Variants in KMT2D observed in about 807,000 individuals in gnomAD.
KMT2D encodes lysine methyltransferase 2D.
In KMT2D, 55 loss-of-function variants were observed where a neutral mutation model predicts 512.7. The ratio of observed to expected loss-of-function variants is 0.11; its 90% CI spans 0.09 to 0.13. The LOEUF (loss-of-function observed/expected upper bound fraction) is 0.13, where lower values mean the gene tolerates loss of function less well. Ranked by LOEUF, KMT2D falls within the 10% of genes least tolerant of loss-of-function variation. KMT2D has a pLI of 1.00. For synonymous variants in KMT2D, 2,995 were observed against 2,904.0 expected (o/e 1.03, Z -1.01); for missense variants, 6,061 against 7,127.9 (o/e 0.85, Z 5.39).
Position 49,021,882 on chromosome 12 carries a change from G to T in KMT2D, c.16522-10C>A, listed in dbSNP as rs991926378. ...GATAGTCATAGGTTAGCTGAAAAGA[G>T]AAGAGGGCAGAATCAATGCTAGTCC... On this transcript the variant is annotated splice_polypyrimidine_tract_variant and intron_variant, in intron 54 of 54. Coordinates refer to ENST00000301067, the MANE Select transcript of KMT2D (RefSeq NM_003482.4). The T allele has an allele frequency of 3.1e-6, 5 of 1,610,906 alleles. No individual in the cohort carries two copies. In the East Asian group the frequency reaches 8.9e-5, roughly 29 times the overall value.
rs2120405525 is a variant in KMT2D at position 49,030,600 on chromosome 12, C to A, written c.13839+1G>T. 1 of 1,558,012 alleles carries A rather than the reference C, an allele frequency of 6.4e-7. No homozygotes were observed. Among genetic ancestry groups the A allele is most frequent in the South Asian group, 1.2e-5 (1 of 84,134 alleles). On this transcript the variant is annotated splice_donor_variant, in intron 42 of 54. Transcript: ENST00000301067. LOFTEE classifies it high-confidence loss of function. ...CCAAAAAATATTGCCATTTTTCTGA[C>A]CTTGGTAAGCAGCTGGGAATAGTAG...
chr12:49,030,530 A>G lies in KMT2D; in HGVS notation c.13839+71T>C, dbSNP rs1942847191. 3 of 1,489,254 alleles carry G rather than the reference A, an allele frequency of 2.0e-6. No individual in the cohort carries two copies. In the South Asian group the frequency reaches 4.0e-5, roughly 20 times the overall value. The allele number at this position is 1,489,254 out of a possible 1,614,324, so 92.3% of individuals were successfully genotyped here. A position where few individuals can be genotyped will look rare whatever the true frequency, so the allele number is the denominator to read the frequency against. On this transcript the variant is annotated intron_variant, in intron 42 of 54. Transcript: ENST00000301067. ...CCCACTCTACGTCAGCAATTCCCTC[A>G]AGTTTTCTATTCCCACCCTCACCTT...
At position 49,030,681 on chromosome 12, in the gene KMT2D, C is replaced by A; in HGVS notation, c.13759G>T (p.Gly4587Trp). Residue 4587 changes from glycine to tryptophan, a missense_variant, in exon 42 of 55, where the codon GGG (glycine) becomes TGG (tryptophan). Around this residue, in one of 16 missense-constraint regions of KMT2D, gnomAD observed 1,600 missense variants for 1,754.9 expected, o/e 0.91. Coordinates refer to ENST00000301067, the MANE Select transcript of KMT2D (RefSeq NM_003482.4). ...AAGGCCCCCCTCAGCTGGCTCTGCCCATTGACTGGGCAGCCACTGCCAAAG... is the reference window on the plus strand; with the variant it reads ...AAGGCCCCCCTCAGCTGGCTCTGCCAATTGACTGGGCAGCCACTGCCAAAG... ...APFGSGCPVN[G>W]QSQLRGAFGS... The A allele has an allele frequency of 6.2e-7, 1 of 1,613,416 alleles. No homozygotes were observed. Among genetic ancestry groups the A allele is most frequent in the Non-Finnish European group, 8.5e-7 (1 of 1,179,830 alleles).
In KMT2D at chr12:49,051,561, AAGC is replaced by A; in HGVS notation, c.2119_2121del (p.Ala707del). The A allele has an allele frequency of 1.2e-6, 2 of 1,609,382 alleles. No individual in the cohort carries two copies. Among genetic ancestry groups the A allele is most frequent in the Non-Finnish European group, 1.7e-6 (2 of 1,176,978 alleles). On this transcript the variant is annotated inframe_deletion, in exon 11 of 55. Transcript: ENST00000301067. Reference sequence around the variant, plus strand: ...ATGAGCGAGTCCTCCGGTGGTGGGGAAGCAGGTGAGTCCTCAGGTGGTGGGGAT... The same window carrying A: ...ATGAGCGAGTCCTCCGGTGGTGGGGAAGGTGAGTCCTCAGGTGGTGGGGAT...
In KMT2D at chr12:49,046,692, A is replaced by G. The variant is rs542182326; in HGVS notation, c.4335T>C (p.Cys1445=). Residue 1445 remains cysteine (C), a synonymous_variant, in exon 16 of 55, where the codon TGT becomes TGC. Coordinates refer to ENST00000301067, the MANE Select transcript of KMT2D (RefSeq NM_003482.4). The surrounding 1 kb of genome is among the most constrained non-coding windows in gnomAD (Gnocchi z 4.2). ...TGTGGTAGCTAATATCACAGTCATC[A>G]CAGAGCAGCAGGCGTGAGGGGTCGG... ...QASDPSRLLL[C]DDCDISYHTY... The G allele has an allele frequency of 1.9e-6, 3 of 1,613,940 alleles. 1 individual carries two copies. The highest frequency in any genetic ancestry group is 2.5e-6 in the Non-Finnish European group (3 of 1,179,868).
rs1435084589 is a variant in KMT2D at position 49,037,796 on chromosome 12, G to A, written c.9560C>T (p.Ala3187Val). The change falls in exon 35 of 55, where the codon GCC becomes GTC. Residue 3187 changes from alanine (A) to valine (V), a missense_variant. This residue lies in a region of KMT2D where 533 missense variants were observed against 539.6 expected (regional missense o/e 0.99). Coordinates refer to ENST00000301067, the MANE Select transcript of KMT2D (RefSeq NM_003482.4). The part of the protein sequence containing the change: ...GHTAEKASFG[A>V]TGGPPAHLLT... ...CAGGTGAGCTGGTGGTCCTCCCGTG[G>A]CCCCAAAGGAGGCCTTCTCAGCTGT... 8 of 1,596,806 alleles carry A rather than the reference G, an allele frequency of 5.0e-6. No individual in the cohort carries two copies. The highest frequency in any genetic ancestry group is 4.3e-6 in the Non-Finnish European group (5 of 1,171,574).
chr12:49,049,332 G>A (rs1937773883), intron 12 of KMT2D, 114 bp from the exon 13 acceptor site: 1 of 691,904 alleles, frequency 1.4e-6, no homozygotes, highest in African/African-American at 1.8e-5. Context: ...AATAAGCCCA[G>A]GAGTCCCACT....
chr12:49,033,597 T>C lies in KMT2D; in HGVS notation c.11108A>G (p.Asn3703Ser), dbSNP rs1164769453. ...AGPSGGFFPG[N>S]LALRSLGPDS... ...AGGTCCGAGGCTTCGAAGAGCAAGG[T>C]TGCCAGGGAAGAAGCCCCCTGAAGG... is the stretch of plus-strand genomic sequence containing the variant. Residue 3703 changes from asparagine (N) to serine (S), a missense_variant, in exon 40 of 55, where the codon AAC (asparagine) becomes AGC (serine). Asn to Ser is a conservative substitution (Grantham distance 46). This residue lies in a region of KMT2D where 1,600 missense variants were observed against 1,754.9 expected (regional missense o/e 0.91). Coordinates refer to ENST00000301067, the MANE Select transcript of KMT2D (RefSeq NM_003482.4). 6.2e-7 allele frequency: 1 copy of C among 1,613,326 alleles called. No individual in the cohort carries two copies. The highest frequency in any genetic ancestry group is 8.5e-7 in the Non-Finnish European group (1 of 1,179,816).
chr12:49,044,672 C>T lies in KMT2D; in HGVS notation c.4963+72G>A. Reference sequence around the variant, plus strand: ...AAGGGTAACTGAGTGGCAATGTAGCCCCCACCCAACATCCCACTCCCAGAG... The same window carrying T: ...AAGGGTAACTGAGTGGCAATGTAGCTCCCACCCAACATCCCACTCCCAGAG... On this transcript the variant is annotated intron_variant, in intron 20 of 54. Transcript: ENST00000301067. The surrounding 1 kb of genome is among the most constrained non-coding windows in gnomAD (Gnocchi z 6.4). The T allele has an allele frequency of 6.4e-7, 1 of 1,552,146 alleles. No homozygotes were observed. The highest frequency in any genetic ancestry group is 8.8e-7 in the Non-Finnish European group (1 of 1,133,362).
At chr12:49,047,495 G>A (rs1440439928) in intron 15 of KMT2D, among the ~76,000 whole-genome samples, 3 of 138,332 alleles carry the variant, frequency 2.2e-5, no homozygotes, top group African/African-American at 8.3e-5. Context: ...TCGGCTCACT[G>A]CAACCTCCGC....
Position 49,050,331 on chromosome 12 carries a change from A to G in KMT2D, c.3257T>C (p.Leu1086Ser), listed in dbSNP as rs2120648970. The G allele has an allele frequency of 1.9e-6, 3 of 1,611,190 alleles. No individual in the cohort carries two copies. Among genetic ancestry groups the G allele is most frequent in the Non-Finnish European group, 2.5e-6 (3 of 1,178,610 alleles). ...GAGAGGACTGGTGGCACTGGGTTCC[A>G]AGGCTGGGCATTCAGGTTCTGAAAC... ...EKVSEPECPA[L>S]EPSATSPLPS... is the part of the protein sequence containing the mutation. The change falls in exon 12 of 55, where the codon TTG becomes TCG. Residue 1086 changes from leucine (L) to serine (S), a missense_variant. By Grantham distance (145) the Leu-to-Ser change is moderately radical. Coordinates refer to ENST00000301067, the MANE Select transcript of KMT2D (RefSeq NM_003482.4).
rs1943316334 is a variant in KMT2D, at chr12:49,038,110, C to T, written c.9246G>A (p.Arg3082=). ...LVESANEKAE[R]EALLRGVEPG... ...GCTCCACCCCCCGCAGCAGGGCCTC[C>T]CGTTCAGCCTTCTCATTAGCCGATT... The change falls in exon 35 of 55, where the codon CGG becomes CGA. Residue 3082 remains arginine (R), a synonymous_variant. Coordinates refer to ENST00000301067, the MANE Select transcript of KMT2D (RefSeq NM_003482.4). This position sits in a 1 kb window ranked among gnomAD's most constrained non-coding sequence, Gnocchi z 5.7. 6.2e-7 allele frequency: 1 copy of T among 1,613,956 alleles called. No individual in the cohort carries two copies. Among genetic ancestry groups the T allele is most frequent in the Non-Finnish European group, 8.5e-7 (1 of 1,179,896 alleles).
At chr12:49,035,300 C>T (rs978136870) in intron 35 of KMT2D, among the ~76,000 whole-genome samples, 5 of 152,310 alleles carry the variant, frequency 3.3e-5, no homozygotes, top group East Asian at 3.9e-4. Flanking sequence ...CTTTATGACT[C>T]GGAAAGCATT....
intron 19 of KMT2D, 121 bp from the exon 20 acceptor site, chr12:49,045,086 T>A: frequency 1.1e-6 from 1 of 938,648 alleles, no homozygotes; most frequent in Non-Finnish European, 1.6e-6. Flanking sequence ...GCTTAGGGTC[T>A]AAATGCTGAG....
rs1592094027 is a variant in KMT2D at position 49,019,524 on chromosome 12, C to T, written c.*2256G>A. The stretch of plus-strand genomic sequence containing the variant: ...TCTTCACTAAATTCTACAGGACTAT[C>T]GGATACCTAGCATATGCTTACAAAG... On this transcript the variant is annotated 3_prime_UTR_variant, in exon 55 of 55. Transcript: ENST00000301067. 7 of 226,154 alleles carry T rather than the reference C, an allele frequency of 3.1e-5. No individual in the cohort carries two copies. The East Asian group carries it at 3.8e-4, about 12-fold the overall frequency. The allele number at this position is 226,154 out of a possible 1,614,324, so 14.0% of individuals were successfully genotyped here.
In KMT2D at chr12:49,039,402, C is replaced by G; in HGVS notation, c.8229+33G>C. ...ATGAAGGTGGAGCAACCTTCAATATCCTGGCCCCACTATCCCTTGCCACTC... is the reference window on the plus strand; with the variant it reads ...ATGAAGGTGGAGCAACCTTCAATATGCTGGCCCCACTATCCCTTGCCACTC... On this transcript the variant is annotated intron_variant, in intron 33 of 54. Coordinates refer to ENST00000301067, the MANE Select transcript of KMT2D (RefSeq NM_003482.4). The surrounding 1 kb of genome is among the most constrained non-coding windows in gnomAD (Gnocchi z 5.0). 1 of 1,604,838 alleles carries G rather than the reference C, an allele frequency of 6.2e-7. No individual in the cohort carries two copies. The highest frequency in any genetic ancestry group is 8.5e-7 in the Non-Finnish European group (1 of 1,174,684).
rs2120475678 is a variant in KMT2D, at chr12:49,037,209, C to G, written c.10147G>C (p.Gly3383Arg). ...ATGCACATGGAAGGTGGCATGGTGCCCATGGGCTTCTGTGATAGCACTGGC... is the reference window on the plus strand; with the variant it reads ...ATGCACATGGAAGGTGGCATGGTGCGCATGGGCTTCTGTGATAGCACTGGC... ...SQPVLSQKPM[G>R]TMPPSMCMKP... The change falls in exon 35 of 55, where the codon GGC (glycine) becomes CGC (arginine). Residue 3383 changes from glycine to arginine, a missense_variant. By Grantham distance (125) the Gly-to-Arg change is moderately radical. This residue lies in a region of KMT2D where 533 missense variants were observed against 539.6 expected (regional missense o/e 0.99). Transcript: ENST00000301067. 3.1e-6 allele frequency: 5 copies of G among 1,612,138 alleles called. No homozygotes were observed. Among genetic ancestry groups the G allele is most frequent in the Non-Finnish European group, 4.2e-6 (5 of 1,178,550 alleles).
At position 49,044,073 on chromosome 12, in the gene KMT2D, C is replaced by G. The variant is rs2120578094; in HGVS notation, c.5189-75G>C. The G allele has an allele frequency of 6.2e-7, 1 of 1,600,986 alleles. No individual in the cohort carries two copies. On this transcript the variant is annotated intron_variant, in intron 22 of 54. Transcript: ENST00000301067. The surrounding 1 kb of genome is among the most constrained non-coding windows in gnomAD (Gnocchi z 6.4). Reference sequence around the variant, plus strand: ...CAACTTGCAGGGTGACACTTTGTGCCTACTCTCTCCCACAACACCAGCTGG... The same window carrying G: ...CAACTTGCAGGGTGACACTTTGTGCGTACTCTCTCCCACAACACCAGCTGG...
rs535454400 is a variant in KMT2D at position 49,054,637 on chromosome 12, C to T, written c.291G>A (p.Val97=). ...TGGGCCCTGGGCTCCCCCCAGGGGACACCACTGGACACCGGGGCCAATCAA... is the reference window on the plus strand; with the variant it reads ...TGGGCCCTGGGCTCCCCCCAGGGGATACCACTGGACACCGGGGCCAATCAA... ...LPFDWPRCPV[V]SPGGSPGPNE... Residue 97 remains valine (V), a synonymous_variant, in exon 4 of 55, where the codon GTG becomes GTA. Transcript: ENST00000301067. The surrounding 1 kb of genome is among the most constrained non-coding windows in gnomAD (Gnocchi z 6.4). 6.2e-7 allele frequency: 1 copy of T among 1,613,048 alleles called. No individual in the cohort carries two copies.
Sources: allele counts gnomAD v4.1 joint callset (sites outside exome capture counted in the v4.1 genomes callset), GRCh38; gene constraint gnomAD v4.1.1; regional missense constraint gnomAD v4.1.1; non-coding constraint Gnocchi (gnomAD v3.1); transcripts MANE v1.5; gene names NCBI Gene and HGNC (gene_info 2026-07-23, HGNC 2026-07-21).